Variants in IMMP2L observed in about 807,000 individuals in gnomAD.
The protein encoded by IMMP2L is mitochondrial inner membrane protease subunit 2.
A neutral mutation model predicts 19.3 loss-of-function variants in IMMP2L; 18 were observed. The observed-to-expected ratio is 0.93, with a 90% CI of 0.64 to 1.38. The LOEUF (loss-of-function observed/expected upper bound fraction) is 1.38. Ranked by LOEUF, IMMP2L falls within the 40% of genes most tolerant of loss-of-function variation. The pLI is 0.00. For missense variants in IMMP2L, 233 were observed against 218.2 expected (o/e 1.07, Z -0.43); for synonymous variants, 76 against 73.0 (o/e 1.04, Z -0.21).
chr7:110,987,056 T>A (rs890607742), intron 3 of IMMP2L, among the ~76,000 whole-genome samples: 1 of 152,264 alleles, frequency 6.6e-6, no homozygotes, highest in Non-Finnish European at 1.5e-5. Context: ...TATATATCAA[T>A]CTAGTGGATA....
chr7:111,121,011 G>T (rs1800539694), intron 3 of IMMP2L, among the ~76,000 whole-genome samples: 1 of 149,954 alleles, frequency 6.7e-6, no homozygotes, highest in African/African-American at 2.4e-5. Context: ...AAATTTCAAA[G>T]CTAATGAAAA....
intron 3 of IMMP2L, among the ~76,000 whole-genome samples, chr7:111,290,357 T>C (rs1820950306): frequency 6.6e-6 from 1 of 152,162 alleles, no homozygotes; most frequent in African/African-American, 2.4e-5. Context: ...GGAGAAATAT[T>C]CTAAATATAT....
rs5886583 is a variant in IMMP2L, at chr7:110,861,098, TGAGAGA to T, written c.408+25489_408+25494del. Among the ~76,000 whole-genome samples, 793 of 141,672 alleles carry T rather than the reference TGAGAGA, an allele frequency of 5.6e-3. 12 individuals carry two copies. The highest frequency in any genetic ancestry group is 0.02 in the African/African-American group (737 of 37,204). The allele number at this position is 141,672 out of a possible 152,430, so 92.9% of individuals were successfully genotyped here. On this transcript the variant is annotated intron_variant, in intron 5 of 5. Coordinates refer to ENST00000405709, the MANE Select transcript of IMMP2L (RefSeq NM_032549.4). ...GTGTGTGTGTGTGTGTGTGTGTGTG[TGAGAGA>T]GAGAGAGAGAGAGAGAGAGAGAGAG...
intron 5 of IMMP2L, among the ~76,000 whole-genome samples, chr7:110,828,784 T>C (rs953980729): frequency 1.3e-5 from 2 of 152,134 alleles, no homozygotes; most frequent in Admixed American, 6.6e-5. Flanking sequence ...AAATGAGATA[T>C]GGTTGAAAAA....
intron 3 of IMMP2L, among the ~76,000 whole-genome samples, chr7:111,376,085 A>C (rs1830656117): frequency 6.6e-6 from 1 of 152,228 alleles, no homozygotes; most frequent in Non-Finnish European, 1.5e-5. Context: ...ACCTTCTCTC[A>C]GTCCCAATTT....
intron 3 of IMMP2L, among the ~76,000 whole-genome samples, chr7:111,343,443 G>A (rs1169401790): frequency 6.6e-6 from 1 of 151,940 alleles, no homozygotes; most frequent in Non-Finnish European, 1.5e-5. Context: ...ACTATATCCT[G>A]TCCTTTCTAA....
chr7:110,825,456 C>T (rs1313111781), intron 5 of IMMP2L, among the ~76,000 whole-genome samples: 3 of 152,074 alleles, frequency 2.0e-5, no homozygotes, highest in Non-Finnish European at 4.4e-5. Context: ...GCTACAGTAA[C>T]CAAAACAGCA....
intron 4 of IMMP2L, among the ~76,000 whole-genome samples, chr7:110,927,825 A>C (rs948190292): frequency 6.6e-5 from 10 of 152,276 alleles, no homozygotes; most frequent in African/African-American, 2.2e-4. Flanking sequence ...AGAAAACTAT[A>C]TACCCTTGTT....
chr7:111,130,558 T>G (rs1338221032), intron 3 of IMMP2L, among the ~76,000 whole-genome samples: 1 of 152,136 alleles, frequency 6.6e-6, no homozygotes, highest in East Asian at 1.9e-4. Context: ...TCCTTAGTAA[T>G]GTTTACCAGA....
chr7:110,720,531 T>C (rs968519122), intron 5 of IMMP2L, among the ~76,000 whole-genome samples: 1 of 152,172 alleles, frequency 6.6e-6, no homozygotes, highest in Non-Finnish European at 1.5e-5. Flanking sequence ...GTCAGTATTA[T>C]TATCTTAAAA....
intron 3 of IMMP2L, among the ~76,000 whole-genome samples, chr7:111,186,560 C>G (rs902242915): frequency 6.6e-6 from 1 of 152,040 alleles, no homozygotes; most frequent in African/African-American, 2.4e-5. Context: ...TCCTGAGTAG[C>G]TGGGATTACA....
At position 111,416,777 on chromosome 7, in the gene IMMP2L, G is replaced by A. The variant is rs535114956; in HGVS notation, c.239+70461C>T. On this transcript the variant is annotated intron_variant, in intron 3 of 5. Transcript: ENST00000405709. ...ATTAAGAAAATTGCTTACTTGCTCA[G>A]TAGGCAATACATGAATCATATGTAG... 8.6e-5 allele frequency among the ~76,000 whole-genome samples: 13 copies of A among 151,680 alleles called. 1 individual carries two copies. Among genetic ancestry groups the A allele is most frequent in the African/African-American group, 3.2e-4 (13 of 41,166 alleles).
intron 3 of IMMP2L, among the ~76,000 whole-genome samples, chr7:111,315,128 G>A (rs1048508048): frequency 2.6e-5 from 4 of 152,070 alleles, no homozygotes; most frequent in Admixed American, 2.6e-4. Flanking sequence ...CATATCATAA[G>A]GCAAACATTT....
At chr7:111,069,149 A>C (rs1369921100) in intron 3 of IMMP2L, among the ~76,000 whole-genome samples, 1 of 152,186 alleles carries the variant, frequency 6.6e-6, no homozygotes. Context: ...AGGGTACGAG[A>C]CTAGGTCTAT....
chr7:110,687,762 C>T (rs1793218674), intron 5 of IMMP2L, among the ~76,000 whole-genome samples: 3 of 152,028 alleles, frequency 2.0e-5, no homozygotes, highest in African/African-American at 7.2e-5. Context: ...TGGCAGATTA[C>T]ATTTTTCAAA....
intron 3 of IMMP2L, among the ~76,000 whole-genome samples, chr7:111,321,152 G>A (rs1434110765): frequency 1.3e-5 from 2 of 151,970 alleles, no homozygotes; most frequent in African/African-American, 4.8e-5. Context: ...ATCTAGGAAA[G>A]TCAATTGATC....
intron 3 of IMMP2L, among the ~76,000 whole-genome samples, chr7:111,197,493 G>C (rs761823818): frequency 1.3e-5 from 2 of 151,922 alleles, no homozygotes; most frequent in Non-Finnish European, 2.9e-5. Flanking sequence ...AAACAAAAAT[G>C]AACCAAGTAT....
chr7:111,010,064 G>T (rs1403398582), intron 3 of IMMP2L, among the ~76,000 whole-genome samples: 2 of 152,218 alleles, frequency 1.3e-5, no homozygotes, highest in African/African-American at 4.8e-5. Flanking sequence ...AACTATATCA[G>T]CATATCTGCA....
intron 3 of IMMP2L, among the ~76,000 whole-genome samples, chr7:111,249,859 C>G (rs1043290747): frequency 5.3e-5 from 8 of 152,132 alleles, no homozygotes; most frequent in African/African-American, 1.4e-4. Context: ...ACAAGGATGA[C>G]CTCTTTCAAC....
Sources: allele counts gnomAD v4.1 joint callset (sites outside exome capture counted in the v4.1 genomes callset), GRCh38; gene constraint gnomAD v4.1.1; transcripts MANE v1.5; gene names NCBI Gene and HGNC (gene_info 2026-07-23, HGNC 2026-07-21).